Variants in MAP1A observed in about 807,000 individuals in gnomAD.
MAP1A encodes microtubule-associated protein 1A.
Under a neutral mutation model 185.9 loss-of-function variants are expected in MAP1A, and 42 were observed. The observed-to-expected ratio is 0.23, with a 90% CI of 0.18 to 0.29. MAP1A has a LOEUF of 0.29. Among genes scored for constraint, MAP1A ranks in the 10% least tolerant of loss-of-function variants. MAP1A has a pLI of 1.00. For missense variants in MAP1A, 2,995 were observed against 3,450.4 expected, an observed-to-expected ratio of 0.87 and a Z score of 3.31; for synonymous variants, 1,229 against 1,335.9, an observed-to-expected ratio of 0.92 and a Z score of 1.74.
At chr15:43,517,905 G>A (rs1339991414) in intron 1 of MAP1A, among the ~76,000 whole-genome samples, 1 of 152,180 alleles carries the variant, frequency 6.6e-6, no homozygotes, top group Non-Finnish European at 1.5e-5. Context: ...GCCACCAGGG[G>A]CTGTGACAGT....
rs199640815 is a variant in MAP1A at position 43,525,333 on chromosome 15, A to G, written c.3860A>G (p.Lys1287Arg). Residue 1287 changes from lysine (K) to arginine (R), a missense_variant, in exon 4 of 6, where the codon AAG becomes AGG. By Grantham distance (26) the Lys-to-Arg change is conservative. This residue lies in a region of MAP1A where 2,728 missense variants were observed against 2,986.0 expected (regional missense o/e 0.91). Coordinates refer to ENST00000300231, the MANE Select transcript of MAP1A (RefSeq NM_002373.6). Reference protein sequence around the residue: ...TDITDDSLDRKSPASSFSHST... With the variant: ...TDITDDSLDRRSPASSFSHST... ...ATCACAGATGACAGCCTTGACAGGA[A>G]GTCACCTGCCAGCTCATTCTCTCAC... 2.8e-5 allele frequency: 45 copies of G among 1,613,880 alleles called. No homozygotes were observed. In the African/African-American group the frequency reaches 5.5e-4, roughly 20 times the overall value.
rs1457744482 is a variant in MAP1A at position 43,525,666 on chromosome 15, A to G, written c.4193A>G (p.Asn1398Ser). 13 of 1,614,130 alleles carry G rather than the reference A, an allele frequency of 8.1e-6. No homozygotes were observed. Among genetic ancestry groups the G allele is most frequent in the Non-Finnish European group, 1.0e-5 (12 of 1,180,020 alleles). Residue 1398 changes from asparagine to serine, a missense_variant, in exon 4 of 6, where the codon AAT becomes AGT. Asn to Ser is a conservative substitution (Grantham distance 46). Coordinates refer to ENST00000300231, the MANE Select transcript of MAP1A (RefSeq NM_002373.6). The part of the protein sequence containing the change: ...YQKDEALHVK[N>S]EAVKQQDKAL... ...AAAGATGAGGCTCTGCATGTAAAGA[A>G]TGAGGCTGTGAAACAGCAGGATAAG... is the stretch of plus-strand genomic sequence containing the variant.
chr15:43,514,900 C>A (rs2079292687), upstream of MAP1A, among the ~76,000 whole-genome samples: 1 of 152,126 alleles, frequency 6.6e-6, no homozygotes, highest in Non-Finnish European at 1.5e-5. Context: ...GCTTATAATT[C>A]ATAACTAATA....
At chr15:43,518,709 C>CCT (rs1555412134) in intron 1 of MAP1A, among the ~76,000 whole-genome samples, 2 of 89,086 alleles carry the variant, frequency 2.2e-5, no homozygotes, top group Admixed American at 1.1e-4. Flanking sequence ...CCGCAGCCCA[C>CCT]CCCCCCCCGC....
At position 43,524,695 on chromosome 15, in the gene MAP1A, A is replaced by G. The variant is rs1454877318; in HGVS notation, c.3222A>G (p.Glu1074=). The change falls in exon 4 of 6, where the codon GAA becomes GAG. Residue 1074 remains glutamate, a synonymous_variant. Coordinates refer to ENST00000300231, the MANE Select transcript of MAP1A (RefSeq NM_002373.6). The part of the protein sequence containing the change: ...VPPPRSPQAQ[E]APVNIDEGLT... The stretch of plus-strand genomic sequence containing the variant: ...CTCCCAGGAGCCCCCAGGCCCAGGA[A>G]GCACCTGTCAACATTGATGAGGGGC... 6.2e-7 allele frequency: 1 copy of G among 1,614,138 alleles called. No homozygotes were observed. Among genetic ancestry groups the G allele is most frequent in the South Asian group, 1.1e-5 (1 of 91,084 alleles).
rs2079369446 is a variant in MAP1A, at chr15:43,531,002, C to T, written c.*778C>T. 1 of 152,732 alleles carries T rather than the reference C, an allele frequency of 6.5e-6. No individual in the cohort carries two copies. Among genetic ancestry groups the T allele is most frequent in the African/African-American group, 2.4e-5 (1 of 41,428 alleles). The allele number at this position is 152,732 out of a possible 1,614,324, so 9.5% of individuals were successfully genotyped here. On this transcript the variant is annotated 3_prime_UTR_variant, in exon 6 of 6. Transcript: ENST00000300231. ...CCTGACTCTTTGAAGTTTTTACTCA[C>T]CCCATTTCAATTATCCTGATCCCTT...
rs756742651 is a variant in MAP1A, at chr15:43,524,243, A to G, written c.2770A>G (p.Arg924Gly). Reference sequence around the variant, plus strand: ...CTCTGTGACTGGGGAGTCAGAGAAGAGAGGAGAGATCATAGGGAAAGGCTT... The same window carrying G: ...CTCTGTGACTGGGGAGTCAGAGAAGGGAGGAGAGATCATAGGGAAAGGCTT... ...DFSVTGESEK[R>G]GEIIGKGLSG... The change falls in exon 4 of 6, where the codon AGA (arginine) becomes GGA (glycine). Residue 924 changes from arginine (R) to glycine (G), a missense_variant. Arg to Gly is a moderately radical substitution (Grantham distance 125). Coordinates refer to ENST00000300231, the MANE Select transcript of MAP1A (RefSeq NM_002373.6). The G allele has an allele frequency of 6.2e-7, 1 of 1,614,232 alleles. No homozygotes were observed. The highest frequency in any genetic ancestry group is 1.1e-5 in the South Asian group (1 of 91,084).
At position 43,521,211 on chromosome 15, in the gene MAP1A, G is replaced by A; in HGVS notation, c.-151+99G>A. Reference sequence around the variant, plus strand: ...ATATTGCATGACCATGGGGGGCCCTGGCAGAAAGGTAAGAGTCCACCTTGG... The same window carrying A: ...ATATTGCATGACCATGGGGGGCCCTAGCAGAAAGGTAAGAGTCCACCTTGG... On this transcript the variant is annotated intron_variant, in intron 3 of 5. Coordinates refer to ENST00000300231, the MANE Select transcript of MAP1A (RefSeq NM_002373.6). The surrounding 1 kb of genome is among the most constrained non-coding windows in gnomAD (Gnocchi z 4.6). The A allele has an allele frequency of 6.8e-7, 1 of 1,474,026 alleles. No individual in the cohort carries two copies. 91.3% of individuals were successfully genotyped at this position (1,474,026 alleles called of 1,614,324 possible). A position where few individuals can be genotyped will look rare whatever the true frequency, so the allele number is the denominator to read the frequency against.
Position 43,526,527 on chromosome 15 carries a change from G to A in MAP1A, c.5054G>A (p.Gly1685Asp). The change falls in exon 4 of 6, where the codon GGC becomes GAC. Residue 1685 changes from glycine (G) to aspartate (D), a missense_variant. Physicochemically the swap from Gly to Asp is moderately conservative, Grantham distance 94. This residue lies in a region of MAP1A where 2,728 missense variants were observed against 2,986.0 expected (regional missense o/e 0.91). Coordinates refer to ENST00000300231, the MANE Select transcript of MAP1A (RefSeq NM_002373.6). This position sits in a 1 kb window ranked among gnomAD's most constrained non-coding sequence, Gnocchi z 4.7. The part of the protein sequence containing the change: ...SPEQDNRYWR[G>D]REDVALEQDT... ...GAGCAGGACAATAGGTATTGGAGGGGCAGAGAGGATGTGGCCTTGGAACAG... is the reference window on the plus strand; with the variant it reads ...GAGCAGGACAATAGGTATTGGAGGGACAGAGAGGATGTGGCCTTGGAACAG... 6.2e-7 allele frequency: 1 copy of A among 1,614,146 alleles called. No individual in the cohort carries two copies. Among genetic ancestry groups the A allele is most frequent in the Non-Finnish European group, 8.5e-7 (1 of 1,180,018 alleles).
rs781410927 is a variant in MAP1A at position 43,524,372 on chromosome 15, G to A, written c.2899G>A (p.Gly967Arg). The change falls in exon 4 of 6, where the codon GGG becomes AGG. Residue 967 changes from glycine (G) to arginine (R), a missense_variant. Physicochemically the swap from Gly to Arg is moderately radical, Grantham distance 125. Transcript: ENST00000300231. Reference protein sequence around the residue: ...QYGTPVFSAPGHALHPGEPAL... With the variant: ...QYGTPVFSAPRHALHPGEPAL... ...TGGAACTCCAGTGTTTAGTGCCCCT[G>A]GGCATGCCCTACATCCAGGAGAACC... The A allele has an allele frequency of 4.3e-6, 7 of 1,614,176 alleles. No homozygotes were observed. In the African/African-American group the frequency reaches 6.7e-5, roughly 15 times the overall value.
rs776307348 is a variant in MAP1A at position 43,524,433 on chromosome 15, C to A, written c.2960C>A (p.Pro987Gln). 5 of 1,614,186 alleles carry A rather than the reference C, an allele frequency of 3.1e-6. No homozygotes were observed. In the East Asian group the frequency reaches 1.1e-4, roughly 36 times the overall value. Residue 987 changes from proline (P) to glutamine (Q), a missense_variant, in exon 4 of 6, where the codon CCA becomes CAA. Physicochemically the swap from Pro to Gln is moderately conservative, Grantham distance 76 (BLOSUM62 -1). This residue lies in a region of MAP1A where 2,728 missense variants were observed against 2,986.0 expected (regional missense o/e 0.91). Coordinates refer to ENST00000300231, the MANE Select transcript of MAP1A (RefSeq NM_002373.6). ...LGEAEERCLS[P>Q]DDSTVKMASP... ...GAAGCAGAGGAGCGGTGCCTTAGCC[C>A]AGATGACAGCACAGTGAAGATGGCT...
chr15:43,525,551 C>T lies in MAP1A; in HGVS notation c.4078C>T (p.Pro1360Ser). ...CAGAACCTCAGAACAGAAGAAGGAA[C>T]CTGAGCCAAAGGATGAAGTTTTACA... ...KDRTSEQKKE[P>S]EPKDEVLQQK... The change falls in exon 4 of 6, where the codon CCT becomes TCT. Residue 1360 changes from proline (P) to serine (S), a missense_variant. Coordinates refer to ENST00000300231, the MANE Select transcript of MAP1A (RefSeq NM_002373.6). The T allele has an allele frequency of 6.2e-7, 1 of 1,614,182 alleles. No homozygotes were observed. Among genetic ancestry groups the T allele is most frequent in the Non-Finnish European group, 8.5e-7 (1 of 1,180,042 alleles).
chr15:43,520,734 G>C lies in MAP1A; in HGVS notation c.-292+11G>C. The C allele has an allele frequency of 6.5e-7, 1 of 1,542,346 alleles. No homozygotes were observed. Among genetic ancestry groups the C allele is most frequent in the South Asian group, 1.2e-5 (1 of 83,854 alleles). ...AGCATCAGCTCTGAGGTAAGGCCAG[G>C]GCCTGTGCCTTGCCAAACAGGCCTG... On this transcript the variant is annotated intron_variant, in intron 2 of 5. Coordinates refer to ENST00000300231, the MANE Select transcript of MAP1A (RefSeq NM_002373.6).
In MAP1A at chr15:43,527,550, T is replaced by C; in HGVS notation, c.6077T>C (p.Leu2026Pro). 3 of 1,613,956 alleles carry C rather than the reference T, an allele frequency of 1.9e-6. No homozygotes were observed. The highest frequency in any genetic ancestry group is 2.5e-6 in the Non-Finnish European group (3 of 1,179,958). The change falls in exon 4 of 6, where the codon CTC becomes CCC. Residue 2026 changes from leucine (L) to proline (P), a missense_variant. This residue lies in a region of MAP1A where 2,728 missense variants were observed against 2,986.0 expected (regional missense o/e 0.91). Coordinates refer to ENST00000300231, the MANE Select transcript of MAP1A (RefSeq NM_002373.6). The stretch of plus-strand genomic sequence containing the variant: ...TCATCTCCTATCTCACCCAAGAGCC[T>C]CCAGTCTGACACTCCAACCTTCAGC... ...ELSSPISPKS[L>P]QSDTPTFSYA...
rs1281418014 is a variant in MAP1A at position 43,531,389 on chromosome 15, T to G, written c.*1165T>G. On this transcript the variant is annotated 3_prime_UTR_variant, in exon 6 of 6. Transcript: ENST00000300231. Reference sequence around the variant, plus strand: ...CCCCAAGCAAGCCAGTGAGCAGCCCTGCCAGACTACTGCCAGACTGAGAAA... The same window carrying G: ...CCCCAAGCAAGCCAGTGAGCAGCCCGGCCAGACTACTGCCAGACTGAGAAA... The G allele has an allele frequency of 6.5e-6, 1 of 152,744 alleles. No homozygotes were observed. The highest frequency in any genetic ancestry group is 2.4e-5 in the African/African-American group (1 of 41,458). 9.5% of individuals were successfully genotyped at this position (152,744 alleles called of 1,614,324 possible).
rs45569034 is a variant in MAP1A, at chr15:43,526,728, C to T, written c.5255C>T (p.Ala1752Val). The change falls in exon 4 of 6, where the codon GCC becomes GTC. Residue 1752 changes from alanine to valine, a missense_variant. Ala to Val is a moderately conservative substitution (Grantham distance 64). Around this residue, in one of 3 missense-constraint regions of MAP1A, gnomAD observed 2,728 missense variants for 2,986.0 expected, o/e 0.91. Coordinates refer to ENST00000300231, the MANE Select transcript of MAP1A (RefSeq NM_002373.6). This position sits in a 1 kb window ranked among gnomAD's most constrained non-coding sequence, Gnocchi z 4.7. Reference sequence around the variant, plus strand: ...GAACACGCAACCCGGAGCCCCTGGGCCTCAGACTTCAAGGATTTCCAGGAA... The same window carrying T: ...GAACACGCAACCCGGAGCCCCTGGGTCTCAGACTTCAAGGATTTCCAGGAA... ...LREHATRSPW[A>V]SDFKDFQESS... 34,275 of 1,614,062 alleles carry T rather than the reference C, an allele frequency of 0.021. 440 individuals are homozygous for T. Among genetic ancestry groups the T allele is most frequent in the Non-Finnish European group, 0.026 (30,105 of 1,179,996 alleles).
rs1237041437 is a variant in MAP1A at position 43,531,578 on chromosome 15, CCTCCAA to C, written c.*1358_*1363del. 1 of 152,854 alleles carries C rather than the reference CCTCCAA, an allele frequency of 6.5e-6. No individual in the cohort carries two copies. Among genetic ancestry groups the C allele is most frequent in the African/African-American group, 2.4e-5 (1 of 41,460 alleles). 9.5% of individuals were successfully genotyped at this position (152,854 alleles called of 1,614,324 possible). ...GTTCCCAGCTGCTGTAACGGAGCCA[CCTCCAA>C]CTCTAACAATAAACCAAGTTCATTG... On this transcript the variant is annotated 3_prime_UTR_variant, in exon 6 of 6. Coordinates refer to ENST00000300231, the MANE Select transcript of MAP1A (RefSeq NM_002373.6).
upstream of MAP1A, among the ~76,000 whole-genome samples, chr15:43,517,403 G>A (rs2079301499): frequency 6.6e-6 from 1 of 152,068 alleles, no homozygotes; most frequent in Admixed American, 6.5e-5. Context: ...AAGGTCCTAT[G>A]GGCCATAGGA....
At position 43,523,199 on chromosome 15, in the gene MAP1A, A is replaced by G. The variant is rs1261338695; in HGVS notation, c.1726A>G (p.Thr576Ala). Residue 576 changes from threonine (T) to alanine (A), a missense_variant, in exon 4 of 6, where the codon ACA becomes GCA. Around this residue, in one of 3 missense-constraint regions of MAP1A, gnomAD observed 2,728 missense variants for 2,986.0 expected, o/e 0.91. Transcript: ENST00000300231. ...ACCCCCAAGTACAGCTATCCAGGGAACACCACCCTCTGTTCCAGGGCTGGG... is the reference window on the plus strand; with the variant it reads ...ACCCCCAAGTACAGCTATCCAGGGAGCACCACCCTCTGTTCCAGGGCTGGG... The part of the protein sequence containing the change: ...EGPPSTAIQG[T>A]PPSVPGLGQE... 6.2e-7 allele frequency: 1 copy of G among 1,614,038 alleles called. No homozygotes were observed. The highest frequency in any genetic ancestry group is 1.3e-5 in the African/African-American group (1 of 74,910).
Sources: allele counts gnomAD v4.1 joint callset (sites outside exome capture counted in the v4.1 genomes callset), GRCh38; gene constraint gnomAD v4.1.1; regional missense constraint gnomAD v4.1.1; non-coding constraint Gnocchi (gnomAD v3.1); transcripts MANE v1.5; gene names NCBI Gene and HGNC (gene_info 2026-07-23, HGNC 2026-07-21).